Variants in TAB2 observed in about 807,000 individuals in gnomAD.
TAB2 encodes TGF-beta-activated kinase 1 and MAP3K7-binding protein 2.
In TAB2, 3 loss-of-function variants were observed where a neutral mutation model predicts 65.0. That is an observed-to-expected ratio of 0.05 (90% CI 0.02 to 0.12). The LOEUF is 0.12. Ranked by LOEUF, TAB2 falls within the 10% of genes least tolerant of loss-of-function variation. The probability of loss-of-function intolerance (pLI) is 1.00; values close to 1 mark genes in which losing one functional copy is unlikely to be tolerated. For missense variants in TAB2, 623 were observed against 840.3 expected (o/e 0.74, Z 3.20); for synonymous variants, 298 against 285.1 (o/e 1.05, Z -0.46).
chr6:149,347,969 T>C (rs1780358608), intron 1 of TAB2, among the ~76,000 whole-genome samples: 1 of 152,226 alleles, frequency 6.6e-6, no homozygotes, highest in Non-Finnish European at 1.5e-5. Flanking sequence ...ATTTAAAAAA[T>C]TATAGCATCA....
intron 1 of TAB2, among the ~76,000 whole-genome samples, chr6:149,301,195 A>C (rs1341517332): frequency 6.6e-6 from 1 of 152,218 alleles, no homozygotes; most frequent in Non-Finnish European, 1.5e-5. Context: ...AATCCCTTGC[A>C]CTTAGGACAA....
chr6:149,329,715 T>C (rs923627582), intron 1 of TAB2, among the ~76,000 whole-genome samples: 5 of 151,906 alleles, frequency 3.3e-5, no homozygotes, highest in Non-Finnish European at 7.4e-5. Flanking sequence ...TATCCAACTG[T>C]GTATGCTGTT....
rs568247392 is a variant in TAB2, at chr6:149,299,314, G to A, written c.-120-78704G>A. Among the ~76,000 whole-genome samples, 3 of 152,324 alleles carry A rather than the reference G, an allele frequency of 2.0e-5. No homozygotes were observed. The East Asian group carries it at 5.8e-4, about 29-fold the overall frequency. On this transcript the variant is annotated intron_variant, in intron 1 of 1. Transcript: ENST00000606202. ...AGGCCGGGTGCAATGGCTCACGCCC[G>A]TAATCCCAGCACTTTGGGAGGCTGA... is the stretch of plus-strand genomic sequence containing the variant.
chr6:149,250,710 G>A (rs1229141840), intron 1 of TAB2, among the ~76,000 whole-genome samples: 1 of 152,144 alleles, frequency 6.6e-6, no homozygotes, highest in Non-Finnish European at 1.5e-5. Flanking sequence ...GGAAGTTTAG[G>A]GGGCAGATGG....
At chr6:149,244,515 G>C (rs1240805427) in intron 1 of TAB2, 1 of 152,318 alleles carries the variant, frequency 6.6e-6, no homozygotes, top group Non-Finnish European at 1.5e-5. Flanking sequence ...TGATGCCTAG[G>C]CAGAGTCTGG....
At chr6:149,392,898 A>G (rs529155358) in intron 3 of TAB2, among the ~76,000 whole-genome samples, 52 of 152,350 alleles carry the variant, frequency 3.4e-4, no homozygotes, top group Middle Eastern at 3.4e-3. Flanking sequence ...ATGGACAAAT[A>G]TTGGGTGTTA....
At chr6:149,376,895 C>CCG (rs1462933141) in intron 2 of TAB2, among the ~76,000 whole-genome samples, 2 of 150,220 alleles carry the variant, frequency 1.3e-5, no homozygotes, top group Non-Finnish European at 3.0e-5. Flanking sequence ...TTCCCCCCCC[C>CCG]CACTCTGGAG....
intron 1 of TAB2, among the ~76,000 whole-genome samples, chr6:149,329,274 A>G (rs1276070252): frequency 6.6e-6 from 1 of 152,180 alleles, no homozygotes; most frequent in Non-Finnish European, 1.5e-5. Context: ...TTGAGAGTTG[A>G]TTAGGACCCA....
chr6:149,410,169 G>T lies in TAB2; in HGVS notation c.*450G>T. 1 of 193,940 alleles carries T rather than the reference G, an allele frequency of 5.2e-6. No homozygotes were observed. The highest frequency in any genetic ancestry group is 1.0e-4 in the South Asian group (1 of 9,702). The allele number at this position is 193,940 out of a possible 1,614,324, so 12.0% of individuals were successfully genotyped here. On this transcript the variant is annotated 3_prime_UTR_variant, in exon 7 of 7. Transcript: ENST00000637181. ...AGGTTTAACTATTTAAGAACCATTT[G>T]CTGCCGCATAGTGCCATTGGATAGG... is the stretch of plus-strand genomic sequence containing the variant.
At chr6:149,405,667 C>G (rs1782639300) in intron 6 of TAB2, among the ~76,000 whole-genome samples, 1 of 152,144 alleles carries the variant, frequency 6.6e-6, no homozygotes, top group African/African-American at 2.4e-5. Context: ...ACTGCATTAT[C>G]TCACCTATAT....
intron 1 of TAB2, among the ~76,000 whole-genome samples, chr6:149,271,702 T>C (rs1778367916): frequency 1.3e-5 from 2 of 152,120 alleles, no homozygotes; most frequent in South Asian, 2.1e-4. Flanking sequence ...CCCTACTCTA[T>C]GGAAGAGTCT....
intron 1 of TAB2, among the ~76,000 whole-genome samples, chr6:149,224,409 C>G (rs1258258513): frequency 1.3e-5 from 2 of 152,178 alleles, no homozygotes; most frequent in African/African-American, 4.8e-5. Context: ...TGGATCAAGT[C>G]AAATGGCACG....
In TAB2 at chr6:149,378,200, T is replaced by C; in HGVS notation, c.285T>C (p.Ser95=). ...QNIYHHGREG[S]RMNGSRTLTH... is the part of the protein sequence containing the mutation. ...TTTACCACCATGGAAGAGAAGGAAG[T>C]AGGATGAATGGAAGTAGGACTCTAA... Residue 95 remains serine (S), a synonymous_variant, in exon 3 of 7, where the codon AGT becomes AGC. Transcript: ENST00000637181. 1 of 1,614,120 alleles carries C rather than the reference T, an allele frequency of 6.2e-7. No homozygotes were observed.
At chr6:149,376,587 GA>G in intron 2 of TAB2, among the ~76,000 whole-genome samples, 1 of 152,248 alleles carries the variant, frequency 6.6e-6, no homozygotes, top group African/African-American at 2.4e-5. Flanking sequence ...CATATTCTAT[GA>G]AAACCATCAG....
intron 1 of TAB2, among the ~76,000 whole-genome samples, chr6:149,265,661 C>T (rs1342643398): frequency 6.6e-6 from 1 of 152,172 alleles, no homozygotes; most frequent in Non-Finnish European, 1.5e-5. Flanking sequence ...ATAACAGGGG[C>T]TTATGCCTAG....
intron 1 of TAB2, among the ~76,000 whole-genome samples, chr6:149,328,290 C>T (rs1779677651): frequency 6.6e-6 from 1 of 152,190 alleles, no homozygotes; most frequent in South Asian, 2.1e-4. Flanking sequence ...TGTCTCATCT[C>T]TACATTCTGT....
At chr6:149,400,690 T>C in intron 6 of TAB2, 1 of 1,612,238 alleles carries the variant, frequency 6.2e-7, no homozygotes, top group Non-Finnish European at 8.5e-7. Flanking sequence ...AAAGGGAACC[T>C]GCTTCTTTAC....
chr6:149,275,296 GA>G (rs1491347931), intron 1 of TAB2, among the ~76,000 whole-genome samples: 8 of 132,660 alleles, frequency 6.0e-5, no homozygotes, highest in Non-Finnish European at 3.3e-5. Flanking sequence ...AAGAAAGAAA[GA>G]AAGAGAAAAA....
chr6:149,378,836 T>C lies in TAB2; in HGVS notation c.921T>C (p.Ser307=), dbSNP rs1781501448. 1 of 1,614,094 alleles carries C rather than the reference T, an allele frequency of 6.2e-7. No homozygotes were observed. The highest frequency in any genetic ancestry group is 1.3e-5 in the African/African-American group (1 of 74,934). ...TIHSSGSSQS[S]AHSQYNIQNI... is the part of the protein sequence containing the mutation. ...ATTCATCTGGTAGCTCACAGTCTTC[T>C]GCCCATAGCCAATATAACATTCAGA... The change falls in exon 3 of 7, where the codon TCT becomes TCC. Residue 307 remains serine, a synonymous_variant. Coordinates refer to ENST00000637181, the MANE Select transcript of TAB2 (RefSeq NM_001292034.3).
Sources: allele counts gnomAD v4.1 joint callset (sites outside exome capture counted in the v4.1 genomes callset), GRCh38; gene constraint gnomAD v4.1.1; transcripts MANE v1.5; gene names NCBI Gene and HGNC (gene_info 2026-07-23, HGNC 2026-07-21).